The following STXBP5L variants were observed in gnomAD, a reference collection of about 807,000 sequenced individuals.
STXBP5L encodes the protein syntaxin binding protein 5L.
STXBP5L carries 65 observed loss-of-function variants against 144.5 expected under a neutral mutation model. That is an observed-to-expected ratio of 0.45 (90% CI 0.37 to 0.55). The LOEUF (loss-of-function observed/expected upper bound fraction) is 0.55, where lower values mean the gene tolerates loss of function less well. STXBP5L is among the 20% of genes least tolerant of loss of function. STXBP5L has a pLI of 0.00. For missense variants in STXBP5L, 1,298 were observed against 1,405.5 expected (o/e 0.92, Z 1.22); for synonymous variants, 505 against 469.6 (o/e 1.08, Z -0.97).
In STXBP5L at chr3:120,984,632, C is replaced by CTTTTTTTTTTTTTTTTTTTT. The variant is rs35656223; in HGVS notation, c.287+29598_287+29617dup. Among the ~76,000 whole-genome samples, 199 of 71,952 alleles carry CTTTTTTTTTTTTTTTTTTTT rather than the reference C, an allele frequency of 2.8e-3. 1 individual carries two copies. Among genetic ancestry groups the CTTTTTTTTTTTTTTTTTTTT allele is most frequent in the Middle Eastern group, 0.015 (1 of 68 alleles). 47.2% of individuals were successfully genotyped at this position (71,952 alleles called of 152,430 possible). ...TGGATGCCTTTCATTTCTTTCTTTC[C>CTTTTTTTTTTTTTTTTTTTT]TTTTTTTTTTTTTTTTTTTTTTGCC... On this transcript the variant is annotated intron_variant, in intron 3 of 26. Transcript: ENST00000471454.
chr3:121,115,682 T>C (rs1292042676), intron 6 of STXBP5L, among the ~76,000 whole-genome samples: 2 of 152,096 alleles, frequency 1.3e-5, no homozygotes, highest in African/African-American at 4.8e-5. Context: ...GTAATTTATA[T>C]AGAAAAGAGG....
At chr3:121,161,646 G>T (rs1015537797) in intron 9 of STXBP5L, among the ~76,000 whole-genome samples, 1 of 151,884 alleles carries the variant, frequency 6.6e-6, no homozygotes, top group Non-Finnish European at 1.5e-5. Context: ...GCTGGTTGCT[G>T]CTGTTGCTGC....
chr3:121,231,917 C>CTT (rs2049322183), intron 11 of STXBP5L, among the ~76,000 whole-genome samples: 1 of 152,198 alleles, frequency 6.6e-6, no homozygotes, highest in African/African-American at 2.4e-5. Flanking sequence ...ATTTTGGACT[C>CTT]TGAGTTTGAT....
At chr3:120,977,761 AT>A in intron 3 of STXBP5L, among the ~76,000 whole-genome samples, 1 of 152,210 alleles carries the variant, frequency 6.6e-6, no homozygotes, top group South Asian at 2.1e-4. Context: ...ATCTCTCAGC[AT>A]TTGCTTGTCT....
chr3:120,994,268 A>C (rs1252779945), intron 3 of STXBP5L, among the ~76,000 whole-genome samples: 1 of 151,906 alleles, frequency 6.6e-6, no homozygotes, highest in African/African-American at 2.4e-5. Context: ...TCTAATTTGG[A>C]TGCCTTTTAT....
At chr3:120,998,651 TGTTA>T (rs1337512746) in intron 3 of STXBP5L, among the ~76,000 whole-genome samples, 3 of 152,188 alleles carry the variant, frequency 2.0e-5, no homozygotes, top group Admixed American at 2.0e-4. Context: ...TCTGTTTTTC[TGTTA>T]GTTTGCTGCA....
chr3:120,988,486 T>C (rs1174639200), intron 3 of STXBP5L, among the ~76,000 whole-genome samples: 1 of 152,092 alleles, frequency 6.6e-6, no homozygotes, highest in African/African-American at 2.4e-5. Flanking sequence ...TCAATTGTTT[T>C]AAATTTTAAA....
rs571423019 is a variant in STXBP5L at position 121,100,677 on chromosome 3, C to T, written c.471-14248C>T. On this transcript the variant is annotated intron_variant, in intron 5 of 26. Transcript: ENST00000471454. ...TCAAATTAATGATCTAACATCAAAT[C>T]TAGAGGAAGTGGAAAAACGAGAACA... Among the ~76,000 whole-genome samples the T allele has an allele frequency of 7.7e-4, 117 of 151,878 alleles. 1 individual carries two copies. The highest frequency in any genetic ancestry group is 2.0e-3 in the Admixed American group (31 of 15,236).
At chr3:121,308,353 G>T (rs2043413537) in intron 19 of STXBP5L, among the ~76,000 whole-genome samples, 1 of 152,178 alleles carries the variant, frequency 6.6e-6, no homozygotes, top group South Asian at 2.1e-4. Context: ...CAAAAACTGA[G>T]AGAATTTATT....
At chr3:120,984,924 G>T (rs976845626) in intron 3 of STXBP5L, among the ~76,000 whole-genome samples, 2 of 151,808 alleles carry the variant, frequency 1.3e-5, no homozygotes, top group South Asian at 2.1e-4. Flanking sequence ...GAGATGTTGT[G>T]TGTTTTTTCC....
intron 3 of STXBP5L, among the ~76,000 whole-genome samples, chr3:121,034,122 A>G (rs1946582359): frequency 6.6e-6 from 1 of 151,958 alleles, no homozygotes; most frequent in Non-Finnish European, 1.5e-5. Flanking sequence ...ACATAAAACC[A>G]TTGTTTTCTT....
chr3:120,915,514 C>G (rs1034005511), intron 2 of STXBP5L, among the ~76,000 whole-genome samples: 3 of 152,142 alleles, frequency 2.0e-5, no homozygotes, highest in East Asian at 3.9e-4. Flanking sequence ...AAAAATGGAA[C>G]TTTTTGTTCC....
At chr3:121,257,384 C>A in intron 17 of STXBP5L, 51 bp downstream of exon 17, 1 of 1,462,624 alleles carries the variant, frequency 6.8e-7, no homozygotes, top group Non-Finnish European at 9.3e-7. Flanking sequence ...AATCATATGT[C>A]TTTGAAACTG....
intron 20 of STXBP5L, among the ~76,000 whole-genome samples, chr3:121,347,127 G>C (rs2045025839): frequency 6.6e-6 from 1 of 152,152 alleles, no homozygotes; most frequent in South Asian, 2.1e-4. Flanking sequence ...ATTAATGTTT[G>C]TATAAGGTGT....
chr3:121,261,030 T>TA (rs1227005728), intron 18 of STXBP5L, among the ~76,000 whole-genome samples: 2 of 152,178 alleles, frequency 1.3e-5, no homozygotes, highest in African/African-American at 4.8e-5. Flanking sequence ...CCCAAGTAAT[T>TA]ACTGTGAAAG....
At chr3:121,097,948 C>A (rs2043214769) in intron 5 of STXBP5L, among the ~76,000 whole-genome samples, 1 of 152,080 alleles carries the variant, frequency 6.6e-6, no homozygotes, top group African/African-American at 2.4e-5. Flanking sequence ...AACGTAAAGC[C>A]AAGCAATACT....
rs182107816 is a variant in STXBP5L, at chr3:121,341,148, C to A, written c.2176+22608C>A. ...TAATAACCAGAATATATAAGGAGCT[C>A]AAACAACTCTGTAGGAAAAAAGCTA... On this transcript the variant is annotated intron_variant, in intron 20 of 26. Transcript: ENST00000471454. 1.6e-3 allele frequency among the ~76,000 whole-genome samples: 241 copies of A among 152,114 alleles called. 1 individual carries two copies. Among genetic ancestry groups the A allele is most frequent in the African/African-American group, 5.6e-3 (233 of 41,522 alleles).
intron 3 of STXBP5L, among the ~76,000 whole-genome samples, chr3:121,005,242 C>G (rs1025306383): frequency 6.6e-5 from 10 of 152,088 alleles, no homozygotes; most frequent in Admixed American, 1.3e-4. Flanking sequence ...TGTTTTTGGT[C>G]TATTCAGATA....
chr3:121,408,555 C>T (rs914533602), intron 23 of STXBP5L, among the ~76,000 whole-genome samples: 2 of 151,898 alleles, frequency 1.3e-5, no homozygotes, highest in African/African-American at 4.8e-5. Context: ...AGTTCAAAGT[C>T]ACAGCATAGT....
Sources: allele counts gnomAD v4.1 joint callset (sites outside exome capture counted in the v4.1 genomes callset), GRCh38; gene constraint gnomAD v4.1.1; transcripts MANE v1.5; gene names NCBI Gene and HGNC (gene_info 2026-07-23, HGNC 2026-07-21).